Variants in INPP4B observed in about 807,000 individuals in gnomAD.
The protein encoded by INPP4B is inositol polyphosphate-4-phosphatase type II B, also known as inositol polyphosphate 4-phosphatase type II.
A neutral mutation model predicts 122.5 loss-of-function variants in INPP4B; 55 were observed. The observed-to-expected ratio is 0.45, with a 90% CI of 0.36 to 0.56. The LOEUF is 0.56. Ranked by LOEUF, INPP4B falls within the 20% of genes least tolerant of loss-of-function variation. INPP4B has a pLI of 0.00. For synonymous variants in INPP4B, 403 were observed against 388.7 expected (o/e 1.04, Z -0.43); for missense variants, 1,000 against 1,097.7 (o/e 0.91, Z 1.26).
chr4:142,120,019 G>C (rs1795889386), intron 21 of INPP4B, among the ~76,000 whole-genome samples: 1 of 151,662 alleles, frequency 6.6e-6, no homozygotes, highest in Non-Finnish European at 1.5e-5. Context: ...AATCTATTGT[G>C]AGCTAATTTT....
At chr4:142,041,180 A>C (rs951212368) in intron 25 of INPP4B, among the ~76,000 whole-genome samples, 2 of 152,162 alleles carry the variant, frequency 1.3e-5, no homozygotes, top group African/African-American at 4.8e-5. Context: ...AAATTAGCTC[A>C]TCTCCCTATT....
In INPP4B at chr4:142,676,443, C is replaced by T. The variant is rs188219099; in HGVS notation, c.-191+49396G>A. 1.9e-3 allele frequency among the ~76,000 whole-genome samples: 292 copies of T among 152,174 alleles called. 1 individual carries two copies. Among genetic ancestry groups the T allele is most frequent in the Admixed American group, 3.2e-3 (49 of 15,274 alleles). Reference sequence around the variant, plus strand: ...AAGTAATTTATAGAGCGAATACTATCCCCAACAAGCTACCATTCACTTTCT... The same window carrying T: ...AAGTAATTTATAGAGCGAATACTATTCCCAACAAGCTACCATTCACTTTCT... On this transcript the variant is annotated intron_variant, in intron 2 of 25. Coordinates refer to ENST00000262992, the MANE Select transcript of INPP4B (RefSeq NM_001101669.3).
At chr4:142,383,879 C>G in intron 7 of INPP4B, 2 of 511,360 alleles carry the variant, frequency 3.9e-6, no homozygotes. Context: ...GTGGCGGGAA[C>G]ACAGGTGTGA....
At chr4:142,295,897 A>G (rs1375269459) in intron 9 of INPP4B, among the ~76,000 whole-genome samples, 3 of 152,164 alleles carry the variant, frequency 2.0e-5, no homozygotes, top group Non-Finnish European at 2.9e-5. Context: ...GCAGAAACAC[A>G]GTGATAATAA....
chr4:142,179,964 C>T (rs1269252928), intron 15 of INPP4B, among the ~76,000 whole-genome samples: 2 of 152,114 alleles, frequency 1.3e-5, no homozygotes, highest in Non-Finnish European at 2.9e-5. Context: ...CTGATTCCTT[C>T]CAACCTCAAA....
chr4:142,644,479 G>C (rs1751276730), intron 2 of INPP4B, among the ~76,000 whole-genome samples: 1 of 151,912 alleles, frequency 6.6e-6, no homozygotes, highest in Non-Finnish European at 1.5e-5. Flanking sequence ...CTTTAAGACA[G>C]GATTTTTTTA....
At chr4:142,653,985 G>A (rs551080910) in intron 2 of INPP4B, among the ~76,000 whole-genome samples, 145 of 152,212 alleles carry the variant, frequency 9.5e-4, no homozygotes, top group African/African-American at 3.1e-3. Context: ...GTCCAACAAT[G>A]ATAGACTGGA....
rs1172181794 is a variant in INPP4B, at chr4:142,779,242, A to G, written c.-253-53341T>C. 7.2e-5 allele frequency among the ~76,000 whole-genome samples: 11 copies of G among 152,200 alleles called. No individual in the cohort carries two copies. In the East Asian group the frequency reaches 1.2e-3, roughly 16 times the overall value. On this transcript the variant is annotated intron_variant, in intron 1 of 25. Transcript: ENST00000262992. ...GTAACAAGTACTAAAAGTATTAAAT[A>G]TATATCTTAGATTCATTTTTGTGTG... is the stretch of plus-strand genomic sequence containing the variant.
At chr4:142,631,640 C>G (rs967852869) in intron 2 of INPP4B, among the ~76,000 whole-genome samples, 2 of 151,964 alleles carry the variant, frequency 1.3e-5, no homozygotes, top group Non-Finnish European at 2.9e-5. Context: ...CTAAATACAT[C>G]ATGGTAAGCC....
intron 1 of INPP4B, among the ~76,000 whole-genome samples, chr4:142,823,414 T>C (rs906374636): frequency 3.9e-5 from 6 of 152,100 alleles, no homozygotes; most frequent in Admixed American, 1.3e-4. Context: ...TAATTCATAA[T>C]AATAAAAGAT....
intron 3 of INPP4B, among the ~76,000 whole-genome samples, chr4:142,451,842 T>G (rs1340291388): frequency 2.0e-5 from 3 of 152,136 alleles, no homozygotes; most frequent in African/African-American, 4.8e-5. Context: ...AGAGATCAGT[T>G]CTGTTATTCA....
chr4:142,219,177 T>A (rs1457883877), intron 12 of INPP4B, among the ~76,000 whole-genome samples: 3 of 152,224 alleles, frequency 2.0e-5, no homozygotes, highest in Non-Finnish European at 4.4e-5. Flanking sequence ...TAACTGCTTA[T>A]TGTACTATAT....
chr4:142,754,177 A>G (rs1284982519), intron 1 of INPP4B, among the ~76,000 whole-genome samples: 7 of 152,006 alleles, frequency 4.6e-5, no homozygotes, highest in Non-Finnish European at 1.0e-4. Context: ...TTCCTTTTAT[A>G]CCTTTAATAA....
At chr4:142,679,141 A>G (rs950816670) in intron 2 of INPP4B, among the ~76,000 whole-genome samples, 2 of 151,914 alleles carry the variant, frequency 1.3e-5, no homozygotes, top group African/African-American at 4.8e-5. Flanking sequence ...AGAAGCCATT[A>G]CAACTTACAG....
chr4:142,695,436 T>G (rs185521972), intron 2 of INPP4B, among the ~76,000 whole-genome samples: 1 of 152,304 alleles, frequency 6.6e-6, no homozygotes, highest in Admixed American at 6.5e-5. Flanking sequence ...GTTTTAATAA[T>G]GCCAAAAATA....
At chr4:142,422,378 T>C (rs1294436359) in intron 5 of INPP4B, among the ~76,000 whole-genome samples, 1 of 152,078 alleles carries the variant, frequency 6.6e-6, no homozygotes, top group Non-Finnish European at 1.5e-5. Context: ...GTTAAGCCCA[T>C]AATAGATGCT....
chr4:142,787,740 T>G (rs1044379954), intron 1 of INPP4B, among the ~76,000 whole-genome samples: 1 of 151,950 alleles, frequency 6.6e-6, no homozygotes, highest in Non-Finnish European at 1.5e-5. Context: ...CCACAGGAGA[T>G]AGTGACTGCC....
chr4:142,710,696 A>G (rs1763014889), intron 2 of INPP4B, among the ~76,000 whole-genome samples: 1 of 152,218 alleles, frequency 6.6e-6, no homozygotes. Context: ...CCCAATCTCA[A>G]TCAGTTGTTT....
intron 1 of INPP4B, among the ~76,000 whole-genome samples, chr4:142,842,681 T>A (rs527796928): frequency 7.6e-6 from 1 of 131,900 alleles, no homozygotes; most frequent in Admixed American, 8.5e-5. Flanking sequence ...ATAATATTAA[T>A]ATATTAATAT....
Sources: gnomAD v4.1 joint callset for allele counts (sites outside exome capture counted in the v4.1 genomes callset) on GRCh38, gnomAD v4.1.1 for gene constraint, MANE v1.5 for transcripts, NCBI Gene and HGNC (gene_info 2026-07-23, HGNC 2026-07-21) for gene names.